The following TUSC3 variants were observed in gnomAD, a reference collection of about 807,000 sequenced individuals.
The protein encoded by TUSC3 is tumor suppressor candidate 3.
In TUSC3, 45 loss-of-function variants were observed where a neutral mutation model predicts 44.8. The ratio of observed to expected loss-of-function variants is 1.00; its 90% CI spans 0.79 to 1.29. TUSC3 has a LOEUF of 1.29. TUSC3 is among the 50% of genes most tolerant of loss of function. The probability of loss-of-function intolerance (pLI) is 0.00; values close to 1 mark genes in which losing one functional copy is unlikely to be tolerated. For synonymous variants in TUSC3, 212 were observed against 152.9 expected (o/e 1.39, Z -2.85); for missense variants, 519 against 437.9 (o/e 1.19, Z -1.65).
At chr8:15,656,971 C>T (rs762001213) in intron 3 of TUSC3, among the ~76,000 whole-genome samples, 9 of 152,172 alleles carry the variant, frequency 5.9e-5, no homozygotes, top group Non-Finnish European at 2.9e-5. Flanking sequence ...GTGAGGGCAG[C>T]TGAGGAGCAC....
At chr8:15,519,157 G>T (rs982772545) in intron 2 of TUSC3, among the ~76,000 whole-genome samples, 2 of 152,072 alleles carry the variant, frequency 1.3e-5, no homozygotes, top group Non-Finnish European at 2.9e-5. Context: ...ATTGTTGAAG[G>T]ATGATGGAGA....
At chr8:15,770,796 A>C (rs573594805), downstream of TUSC3, among the ~76,000 whole-genome samples, 19 of 152,276 alleles carry the variant, frequency 1.2e-4, no homozygotes, top group South Asian at 3.9e-3. Context: ...ACTATCAAGC[A>C]TATTAAGTAT....
chr8:15,735,120 C>T (rs62503671), intron 7 of TUSC3, among the ~76,000 whole-genome samples: 30,580 of 151,952 alleles, frequency 0.2, 3,935 homozygotes, highest in Non-Finnish European at 0.29. Flanking sequence ...GAACAGAAAG[C>T]CAATGGAGGC....
intron 2 of TUSC3, among the ~76,000 whole-genome samples, chr8:15,505,615 G>C (rs1310348333): frequency 1.3e-5 from 2 of 152,176 alleles, no homozygotes; most frequent in East Asian, 1.9e-4. Flanking sequence ...ACTGAAAATA[G>C]AAATACCCAG....
At chr8:15,648,479 C>G (rs1806727190) in intron 2 of TUSC3, among the ~76,000 whole-genome samples, 1 of 148,596 alleles carries the variant, frequency 6.7e-6, no homozygotes, top group Non-Finnish European at 1.5e-5. Context: ...GTAATCCCAG[C>G]ACTTTGAGAG....
chr8:15,539,131 G>A (rs1016376459), upstream of TUSC3, among the ~76,000 whole-genome samples: 2 of 151,754 alleles, frequency 1.3e-5, no homozygotes, highest in African/African-American at 2.4e-5. Flanking sequence ...TTACAGGTGT[G>A]AGCCACCGTG....
chr8:15,633,528 C>T (rs1166865171), intron 2 of TUSC3, among the ~76,000 whole-genome samples: 2 of 152,182 alleles, frequency 1.3e-5, no homozygotes, highest in Non-Finnish European at 2.9e-5. Flanking sequence ...TGAGGTGATA[C>T]TCAGGCAGGG....
At chr8:15,537,787 C>A (rs879277851), upstream of TUSC3, among the ~76,000 whole-genome samples, 1 of 151,994 alleles carries the variant, frequency 6.6e-6, no homozygotes, top group Non-Finnish European at 1.5e-5. Context: ...GAAATTACCA[C>A]AAGTTGGGGA....
chr8:15,733,676 T>G (rs1810816602), intron 7 of TUSC3: 1 of 155,326 alleles, frequency 6.4e-6, no homozygotes, highest in South Asian at 1.9e-4. Flanking sequence ...TGCTTCATTT[T>G]TCCTGTGTTT....
At chr8:15,812,857 A>G in the TUSC3 span, among the ~76,000 whole-genome samples, 2 of 152,150 alleles carry the variant, frequency 1.3e-5, no homozygotes, top group Non-Finnish European at 2.9e-5. Context: ...GCACTTTGGG[A>G]GGCCAAGGAG....
intron 9 of TUSC3, among the ~76,000 whole-genome samples, chr8:15,754,155 G>T (rs1811823384): frequency 6.6e-6 from 1 of 152,076 alleles, no homozygotes; most frequent in African/African-American, 2.4e-5. Context: ...ATGCAGGAAA[G>T]AATTATTCTA....
chr8:15,748,830 C>T, intron 9 of TUSC3: 1 of 454,032 alleles, frequency 2.2e-6, no homozygotes, highest in Non-Finnish European at 4.3e-6. Context: ...GTCTAATAAA[C>T]TTTGTATTAT....
chr8:15,478,644 A>G (rs1277566424), intron 1 of TUSC3, among the ~76,000 whole-genome samples: 2 of 152,150 alleles, frequency 1.3e-5, no homozygotes, highest in South Asian at 2.1e-4. Flanking sequence ...TCCATGATAT[A>G]TATATCCCTA....
chr8:15,807,894 C>T, the TUSC3 span, among the ~76,000 whole-genome samples: 1 of 152,182 alleles, frequency 6.6e-6, no homozygotes. Flanking sequence ...GCAAGAGTTG[C>T]AAACCTAACT....
intron 6 of TUSC3, among the ~76,000 whole-genome samples, chr8:15,702,601 T>C (rs374623528): frequency 6.6e-6 from 1 of 152,064 alleles, no homozygotes; most frequent in East Asian, 1.9e-4. Context: ...TGGTAGTGTC[T>C]CCCTATCCTG....
At chr8:15,621,433 CAG>C (rs1805239128) in intron 1 of TUSC3, among the ~76,000 whole-genome samples, 2 of 149,592 alleles carry the variant, frequency 1.3e-5, no homozygotes, top group Non-Finnish European at 1.5e-5. Flanking sequence ...ATTGATGAGG[CAG>C]AGAGATAAGT....
chr8:15,833,829 T>C, the TUSC3 span, among the ~76,000 whole-genome samples: 1 of 122,022 alleles, frequency 8.2e-6, no homozygotes, highest in East Asian at 2.3e-4. Context: ...CATGTACCCC[T>C]GAACTTAAAA....
Position 15,623,178 on chromosome 8 carries a change from A to T in TUSC3, c.237A>T (p.Ala79=). 1 of 1,613,766 alleles carries T rather than the reference A, an allele frequency of 6.2e-7. No individual in the cohort carries two copies. The highest frequency in any genetic ancestry group is 8.5e-7 in the Non-Finnish European group (1 of 1,179,822). The change falls in exon 2 of 11, where the codon GCA becomes GCT. Residue 79 remains alanine (A), a synonymous_variant. Transcript: ENST00000503731. ...ATAAATTCCGAAAATTTATAAAGGC[A>T]CCACCTCGAAACTATTCCATGATTG... ...NGDKFRKFIK[A]PPRNYSMIVM... is the part of the protein sequence containing the mutation.
chr8:15,631,512 C>T (rs1472219994), intron 2 of TUSC3, among the ~76,000 whole-genome samples: 2 of 152,238 alleles, frequency 1.3e-5, no homozygotes, highest in Non-Finnish European at 1.5e-5. Flanking sequence ...CCAAAATTCA[C>T]TAATTAGTAA....
Sources: allele counts gnomAD v4.1 joint callset (sites outside exome capture counted in the v4.1 genomes callset), GRCh38; gene constraint gnomAD v4.1.1; transcripts MANE v1.5; gene names NCBI Gene and HGNC (gene_info 2026-07-23, HGNC 2026-07-21).